SMARCC1: variants seen among roughly 807,000 people sequenced by gnomAD.
SMARCC1 encodes SWI/SNF complex subunit SMARCC1.
SMARCC1 carries 43 observed loss-of-function variants against 147.4 expected under a neutral mutation model. That is an observed-to-expected ratio of 0.29 (90% CI 0.23 to 0.38). The LOEUF is 0.38. Among genes scored for constraint, SMARCC1 ranks in the 10% least tolerant of loss-of-function variants. SMARCC1 has a pLI of 1.00. For synonymous variants in SMARCC1, 495 were observed against 484.4 expected (o/e 1.02, Z -0.29); for missense variants, 1,119 against 1,381.1 (o/e 0.81, Z 3.01).
chr3:47,770,661 G>A (rs1351536839), intron 2 of SMARCC1, among the ~76,000 whole-genome samples: 1 of 151,704 alleles, frequency 6.6e-6, no homozygotes, highest in African/African-American at 2.4e-5. Flanking sequence ...GCAACACCCC[G>A]TCTCTATCTT....
chr3:47,707,306 C>T (rs1268446862), intron 9 of SMARCC1, among the ~76,000 whole-genome samples: 2 of 149,062 alleles, frequency 1.3e-5, no homozygotes, highest in East Asian at 1.9e-4. Flanking sequence ...AGTAAGACTC[C>T]GTCTCAAAGA....
At chr3:47,594,153 G>T in intron 26 of SMARCC1, among the ~76,000 whole-genome samples, 1 of 130,728 alleles carries the variant, frequency 7.6e-6, no homozygotes, top group East Asian at 2.2e-4. Context: ...CAACAAGAAT[G>T]AAACTCCAAA....
chr3:47,671,051 G>A (rs2033489500), intron 18 of SMARCC1, among the ~76,000 whole-genome samples: 2 of 151,098 alleles, frequency 1.3e-5, no homozygotes, highest in East Asian at 3.9e-4. Context: ...CGAGAGTGGT[G>A]GTTCATGCCT....
intron 7 of SMARCC1, 72 bp downstream of exon 7, chr3:47,720,594 T>C (rs1045384309): frequency 1.3e-5 from 13 of 1,037,330 alleles, no homozygotes; most frequent in Non-Finnish European, 1.9e-5. Flanking sequence ...ATTCAGAAAA[T>C]AAAACTATAA....
chr3:47,692,499 T>C (rs1226515539), intron 12 of SMARCC1, among the ~76,000 whole-genome samples: 1 of 152,246 alleles, frequency 6.6e-6, no homozygotes, highest in Admixed American at 6.5e-5. Flanking sequence ...GAAAAAGTAC[T>C]TTAATTAGAA....
At chr3:47,724,096 T>A (rs2034269522) in intron 6 of SMARCC1, among the ~76,000 whole-genome samples, 1 of 152,008 alleles carries the variant, frequency 6.6e-6, no homozygotes, top group Non-Finnish European at 1.5e-5. Context: ...TATGAAAGGG[T>A]CCTCAAAACA....
chr3:47,675,722 C>T (rs530644019), intron 17 of SMARCC1, 134 bp from the exon 18 acceptor site: 318 of 522,680 alleles, frequency 6.1e-4, no homozygotes, highest in Middle Eastern at 1.1e-3. Flanking sequence ...CCGAGGCAGG[C>T]GGATCACAAG....
intron 10 of SMARCC1, among the ~76,000 whole-genome samples, chr3:47,704,357 C>T (rs942753565): frequency 5.9e-5 from 9 of 151,890 alleles, no homozygotes; most frequent in African/African-American, 2.2e-4. Flanking sequence ...TGAGAAAAGG[C>T]GTGGTCATTA....
At chr3:47,618,587 T>C (rs2032680835) in intron 25 of SMARCC1, among the ~76,000 whole-genome samples, 1 of 151,994 alleles carries the variant, frequency 6.6e-6, no homozygotes, top group African/African-American at 2.4e-5. Flanking sequence ...TGAAGTTATA[T>C]AATTTAAGTA....
At chr3:47,739,386 T>C (rs1382218934) in intron 3 of SMARCC1, among the ~76,000 whole-genome samples, 1 of 152,204 alleles carries the variant, frequency 6.6e-6, no homozygotes, top group Non-Finnish European at 1.5e-5. Flanking sequence ...TCTGGTGCAG[T>C]AAGAGCTCCC....
At chr3:47,779,336 C>T (rs1209896971) in intron 1 of SMARCC1, among the ~76,000 whole-genome samples, 3 of 152,186 alleles carry the variant, frequency 2.0e-5, no homozygotes, top group African/African-American at 7.2e-5. Context: ...ATTAAATGCA[C>T]TAGAAACGGT....
chr3:47,659,666 AG>A (rs935775581), intron 21 of SMARCC1, among the ~76,000 whole-genome samples: 5 of 148,360 alleles, frequency 3.4e-5, no homozygotes, highest in African/African-American at 1.2e-4. Flanking sequence ...ATGTAGGGGT[AG>A]TCAGGCAGTA....
intron 26 of SMARCC1, among the ~76,000 whole-genome samples, chr3:47,608,710 G>A (rs1384285271): frequency 2.6e-5 from 4 of 151,988 alleles, no homozygotes; most frequent in Non-Finnish European, 4.4e-5. Context: ...TTAGCCAGGT[G>A]TGGTGGCATG....
rs547482232 is a variant in SMARCC1 at position 47,623,342 on chromosome 3, TG to T, written c.2647-1002del. Among the ~76,000 whole-genome samples, 11 of 152,294 alleles carry T rather than the reference TG, an allele frequency of 7.2e-5. No homozygotes were observed. In the East Asian group the frequency reaches 2.1e-3, roughly 29 times the overall value. On this transcript the variant is annotated intron_variant, in intron 24 of 27. Coordinates refer to ENST00000254480, the MANE Select transcript of SMARCC1 (RefSeq NM_003074.4). ...AAATAGCATGGAGTGGCTATTTTAC[TG>T]ATCTCTTAATGATCTTAGGTTTCCC...
intron 11 of SMARCC1, among the ~76,000 whole-genome samples, chr3:47,698,470 ATCCTAAGAAATC>A (rs1327909124): frequency 2.0e-5 from 3 of 152,156 alleles, no homozygotes; most frequent in African/African-American, 7.2e-5. Flanking sequence ...GTAATAGAAA[ATCCTAAGAAATC>A]TACAAAAAAG....
chr3:47,670,782 T>C, intron 18 of SMARCC1, 65 bp from the exon 19 acceptor site: 1 of 972,822 alleles, frequency 1.0e-6, no homozygotes, highest in African/African-American at 1.6e-5. Context: ...CTCAGTAGAA[T>C]TCCTTTCCAA....
At chr3:47,772,763 TA>T (rs2106876520) in intron 2 of SMARCC1, 53 bp downstream of exon 2, 5 of 1,507,706 alleles carry the variant, frequency 3.3e-6, no homozygotes, top group Non-Finnish European at 4.5e-6. Flanking sequence ...ATGCTACACC[TA>T]AAAGTATACA....
At chr3:47,660,243 G>A (rs367909656) in intron 21 of SMARCC1, among the ~76,000 whole-genome samples, 1 of 151,796 alleles carries the variant, frequency 6.6e-6, no homozygotes, top group Non-Finnish European at 1.5e-5. Flanking sequence ...TCAGGAGATC[G>A]AGACCATCCT....
At chr3:47,699,123 T>C (rs78728799) in intron 11 of SMARCC1, among the ~76,000 whole-genome samples, 404 of 152,076 alleles carry the variant, frequency 2.7e-3, no homozygotes, top group African/African-American at 9.3e-3. Context: ...AACACTAATA[T>C]AGGCAAAAAA....
Sources: gnomAD v4.1 joint callset for allele counts (sites outside exome capture counted in the v4.1 genomes callset) on GRCh38, gnomAD v4.1.1 for gene constraint, MANE v1.5 for transcripts, NCBI Gene and HGNC (gene_info 2026-07-23, HGNC 2026-07-21) for gene names.